Variants in SYNE1 observed in about 807,000 individuals in gnomAD.
The protein encoded by SYNE1 is spectrin repeat containing nuclear envelope protein 1.
A neutral mutation model predicts 1,111.0 loss-of-function variants in SYNE1; 616 were observed. The ratio of observed to expected loss-of-function variants is 0.55; its 90% CI spans 0.52 to 0.59. The LOEUF (loss-of-function observed/expected upper bound fraction) is 0.59. Among genes scored for constraint, SYNE1 ranks in the 20% least tolerant of loss-of-function variants. The pLI is 0.00. For missense variants in SYNE1, 10,006 were observed against 10,417.0 expected (o/e 0.96, Z 1.72); for synonymous variants, 3,855 against 3,825.8 (o/e 1.01, Z -0.28).
intron 58 of SYNE1, among the ~76,000 whole-genome samples, chr6:152,374,138 G>A (rs1354864940): frequency 6.6e-6 from 1 of 152,176 alleles, no homozygotes; most frequent in Non-Finnish European, 1.5e-5. Flanking sequence ...TCCTTATGAG[G>A]ACAAGTCAAT....
chr6:152,571,952 G>C (rs1247008791), intron 3 of SYNE1, among the ~76,000 whole-genome samples: 1 of 151,860 alleles, frequency 6.6e-6, no homozygotes, highest in Non-Finnish European at 1.5e-5. Flanking sequence ...AAATTTCCTT[G>C]CCAGGAAATT....
chr6:152,455,799 G>T, intron 23 of SYNE1, 87 bp downstream of exon 23: 1 of 1,589,914 alleles, frequency 6.3e-7, no homozygotes. Flanking sequence ...AGGCGTTTTA[G>T]CAAGACCAAA....
intron 70 of SYNE1, among the ~76,000 whole-genome samples, chr6:152,351,553 TTTC>T: frequency 6.6e-6 from 1 of 152,342 alleles, no homozygotes; most frequent in East Asian, 1.9e-4. Flanking sequence ...CAAAAATCAG[TTTC>T]TAAGGAACTT....
intron 4 of SYNE1, among the ~76,000 whole-genome samples, chr6:152,538,659 G>A (rs926065010): frequency 1.4e-5 from 2 of 147,084 alleles, no homozygotes; most frequent in South Asian, 2.1e-4. Context: ...TTCCCCAATC[G>A]ATGACAATTC....
At chr6:152,139,864 C>T (rs1448862020) in intron 140 of SYNE1, 86 bp downstream of exon 140, 6 of 1,416,714 alleles carry the variant, frequency 4.2e-6, no homozygotes, top group South Asian at 1.2e-5. Flanking sequence ...TGTGTAAGAG[C>T]AGCTCGAACT....
Position 152,505,182 on chromosome 6 carries a change from C to G in SYNE1, c.778+19G>C, listed in dbSNP as rs1373974083. The G allele has an allele frequency of 3.1e-6, 5 of 1,613,404 alleles. No individual in the cohort carries two copies. Among genetic ancestry groups the G allele is most frequent in the Non-Finnish European group, 2.5e-6 (3 of 1,179,598 alleles). ...CCTCCGTGTTAAGGTATATAACAGT[C>G]AATGAATATTCAGCCTACCTTCAGG... On this transcript the variant is annotated intron_variant, in intron 9 of 145. Coordinates refer to ENST00000367255, the MANE Select transcript of SYNE1 (RefSeq NM_182961.4).
chr6:152,225,602 C>A, intron 116 of SYNE1, 119 bp downstream of exon 116: 1 of 1,201,148 alleles, frequency 8.3e-7, no homozygotes, highest in African/African-American at 1.5e-5. Flanking sequence ...CTTAAAAGTA[C>A]AAGGAGATAA....
At position 152,350,762 on chromosome 6, in the gene SYNE1, T is replaced by G. The variant is rs190032752; in HGVS notation, c.11589A>C (p.Gln3863His). ...KAQLSKYKSL[Q>H]QTVLSHEPSV... ...ATGGTTCATGGGACAGCACCGTTTGTTGAAGTGACTTGAATTACAAAGAAA... is the reference window on the plus strand; with the variant it reads ...ATGGTTCATGGGACAGCACCGTTTGGTGAAGTGACTTGAATTACAAAGAAA... The change falls in exon 71 of 146, where the codon CAA becomes CAC. Residue 3863 changes from glutamine to histidine, a missense_variant. Coordinates refer to ENST00000367255, the MANE Select transcript of SYNE1 (RefSeq NM_182961.4). 3.6e-5 allele frequency: 57 copies of G among 1,598,230 alleles called. No homozygotes were observed. The Admixed American group carries it at 9.8e-4, about 27-fold the overall frequency.
chr6:152,526,020 A>T lies in SYNE1; in HGVS notation c.225+60T>A. The T allele has an allele frequency of 2.0e-6, 3 of 1,506,866 alleles. No individual in the cohort carries two copies. The South Asian group carries it at 3.4e-5, about 17-fold the overall frequency. The allele number at this position is 1,506,866 out of a possible 1,614,324, so 93.3% of individuals were successfully genotyped here. ...CACATCTTAGCACTCTCAACTCCAT[A>T]GTCCCCAAATTCCAAATGGAAACAA... On this transcript the variant is annotated intron_variant, in intron 5 of 145. Transcript: ENST00000367255.
At chr6:152,332,918 G>C (rs1047912172) in intron 77 of SYNE1, among the ~76,000 whole-genome samples, 9 of 152,118 alleles carry the variant, frequency 5.9e-5, no homozygotes, top group African/African-American at 2.2e-4. Flanking sequence ...TAAGTCTCAG[G>C]TGTCTGTGGG....
chr6:152,511,780 T>A (rs2099086314), intron 6 of SYNE1, among the ~76,000 whole-genome samples: 1 of 152,208 alleles, frequency 6.6e-6, no homozygotes, highest in African/African-American at 2.4e-5. Context: ...TTCAGTTCCC[T>A]ACTTTTGGGT....
At chr6:152,325,931 T>G (rs1222280674) in intron 80 of SYNE1, 27 bp downstream of exon 80, 2 of 1,613,660 alleles carry the variant, frequency 1.2e-6, no homozygotes, top group Admixed American at 3.3e-5. Context: ...GAAAAAGGAT[T>G]TTTTTTAAAT....
chr6:152,460,528 T>A (rs757891665), intron 21 of SYNE1, among the ~76,000 whole-genome samples: 11 of 152,152 alleles, frequency 7.2e-5, no homozygotes, highest in Non-Finnish European at 1.5e-4. Flanking sequence ...TCTTCTACTT[T>A]GTTTCTACTT....
At chr6:152,472,563 G>C (rs977595956) in intron 14 of SYNE1, 150 bp from the exon 15 acceptor site, 1 of 745,198 alleles carries the variant, frequency 1.3e-6, no homozygotes, top group Non-Finnish European at 2.4e-6. Context: ...CCTGTCAAAG[G>C]CTCTTACCTT....
rs1563392031 is a variant in SYNE1, at chr6:152,364,858, A to G, written c.10134T>C (p.Ile3378=). The G allele has an allele frequency of 1.2e-6, 2 of 1,614,154 alleles. No individual in the cohort carries two copies. The highest frequency in any genetic ancestry group is 1.7e-6 in the Non-Finnish European group (2 of 1,180,046). The change falls in exon 63 of 146, where the codon ATT becomes ATC. Residue 3378 remains isoleucine (I), a synonymous_variant. Coordinates refer to ENST00000367255, the MANE Select transcript of SYNE1 (RefSeq NM_182961.4). ...DMWASLLSAG[I]RCKSQLEGAL... ...GTAGTTTCCCTCACCTTTTACAACG[A>G]ATCCCTGCAGACAAAAGGGATGCCC...
chr6:152,315,644 T>C (rs1315315398), intron 87 of SYNE1: 2 of 152,252 alleles, frequency 1.3e-5, no homozygotes, highest in Admixed American at 1.3e-4. Context: ...ACAGTTAAGT[T>C]TGTCTTTCTT....
chr6:152,136,925 T>A, intron 140 of SYNE1, 107 bp from the exon 141 acceptor site: 2 of 1,272,256 alleles, frequency 1.6e-6, no homozygotes, highest in Non-Finnish European at 2.2e-6. Flanking sequence ...AAACTGGCCT[T>A]AACAGGATGG....
Position 152,466,100 on chromosome 6 carries a change from G to T in SYNE1, c.1633-22C>A, listed in dbSNP as rs185392151. The T allele has an allele frequency of 2.3e-5, 34 of 1,479,240 alleles. No individual in the cohort carries two copies. The Admixed American group carries it at 5.7e-4, about 25-fold the overall frequency. The allele number at this position is 1,479,240 out of a possible 1,614,324, so 91.6% of individuals were successfully genotyped here. ...AAGACTAGAAAAGGAGGAATGGTTA[G>T]AAGATAGCAAACATTAGGCTCATGT... On this transcript the variant is annotated intron_variant, in intron 16 of 145. Transcript: ENST00000367255.
At chr6:152,194,686 A>C (rs1016884767) in intron 127 of SYNE1, among the ~76,000 whole-genome samples, 7 of 151,988 alleles carry the variant, frequency 4.6e-5, no homozygotes, top group Non-Finnish European at 1.0e-4. Context: ...GGCATGTTTC[A>C]TTGATTTTTA....
Sources: allele counts gnomAD v4.1 joint callset (sites outside exome capture counted in the v4.1 genomes callset), GRCh38; gene constraint gnomAD v4.1.1; transcripts MANE v1.5; gene names NCBI Gene and HGNC (gene_info 2026-07-23, HGNC 2026-07-21).